The following MVB12B variants were observed in gnomAD, a reference collection of about 807,000 sequenced individuals.
MVB12B encodes the protein multivesicular body subunit 12B, also known as ESCRT-I complex subunit MVB12B.
A neutral mutation model predicts 41.6 loss-of-function variants in MVB12B; 16 were observed. That is an observed-to-expected ratio of 0.38 (90% CI 0.26 to 0.58). The LOEUF is 0.58. MVB12B is among the 20% of genes least tolerant of loss of function. MVB12B has a pLI of 0.62. For missense variants in MVB12B, 274 were observed against 380.2 expected (o/e 0.72, Z 2.32); for synonymous variants, 133 against 139.7 (o/e 0.95, Z 0.34).
chr9:126,327,328 G>A (rs1436144836), intron 1 of MVB12B: 1 of 985,208 alleles, frequency 1.0e-6, no homozygotes, highest in African/African-American at 1.7e-5. Context: ...CTCTGCCCGC[G>A]TGAGAGGGAG....
chr9:126,464,472 G>C (rs1833158960), intron 7 of MVB12B, among the ~76,000 whole-genome samples: 1 of 152,212 alleles, frequency 6.6e-6, no homozygotes, highest in African/African-American at 2.4e-5. Context: ...TGTGGCATTT[G>C]ACATGACCCT....
chr9:126,382,779 C>T (rs1430780986), intron 3 of MVB12B, among the ~76,000 whole-genome samples: 2 of 152,148 alleles, frequency 1.3e-5, no homozygotes, highest in African/African-American at 4.8e-5. Context: ...TAGCAGAGTC[C>T]CTGCATCCCT....
chr9:126,440,914 A>C (rs1403268464), intron 7 of MVB12B, among the ~76,000 whole-genome samples: 4 of 152,266 alleles, frequency 2.6e-5, no homozygotes, highest in African/African-American at 9.6e-5. Flanking sequence ...CTACAGTGTC[A>C]TCAGAGAGTA....
chr9:126,476,541 T>C (rs936569920), intron 7 of MVB12B, among the ~76,000 whole-genome samples: 1 of 152,170 alleles, frequency 6.6e-6, no homozygotes, highest in Non-Finnish European at 1.5e-5. Context: ...TATGCACTTA[T>C]AATGGAAATA....
chr9:126,453,994 C>T (rs973765680), intron 7 of MVB12B, among the ~76,000 whole-genome samples: 1 of 152,214 alleles, frequency 6.6e-6, no homozygotes, highest in Non-Finnish European at 1.5e-5. Context: ...AAGTGAGAAA[C>T]AGACGCGGTA....
chr9:126,466,744 A>G (rs1055239561), intron 7 of MVB12B, among the ~76,000 whole-genome samples: 2 of 152,192 alleles, frequency 1.3e-5, no homozygotes, highest in African/African-American at 4.8e-5. Context: ...GGTGTTTGTG[A>G]TCATTTCTAT....
At chr9:126,351,480 A>ACG (rs1235185149) in intron 2 of MVB12B, among the ~76,000 whole-genome samples, 70 of 84,080 alleles carry the variant, frequency 8.3e-4, no homozygotes, top group Middle Eastern at 0.016. Flanking sequence ...TCAGTCTTTC[A>ACG]CTCTTTTTTT....
intron 7 of MVB12B, among the ~76,000 whole-genome samples, chr9:126,455,026 A>G (rs1211970560): frequency 6.6e-6 from 1 of 152,124 alleles, no homozygotes; most frequent in Non-Finnish European, 1.5e-5. Context: ...AAGGATCTTG[A>G]ACCACGTCCT....
chr9:126,403,966 T>C lies in MVB12B; in HGVS notation c.662+8269T>C, dbSNP rs1831344212. On this transcript the variant is annotated intron_variant, in intron 6 of 9. Coordinates refer to ENST00000361171, the MANE Select transcript of MVB12B (RefSeq NM_033446.3). ...CCTTTAAATCTTTTTTTTTTTTTTT[T>C]TTTTTTTGAGACAGAGTCTCACTGT... Among the ~76,000 whole-genome samples, 5 of 147,824 alleles carry C rather than the reference T, an allele frequency of 3.4e-5. No individual in the cohort carries two copies. In the South Asian group the frequency reaches 1.1e-3, roughly 33 times the overall value.
intron 6 of MVB12B, among the ~76,000 whole-genome samples, chr9:126,412,657 G>A (rs1358443314): frequency 6.6e-6 from 1 of 152,134 alleles, no homozygotes; most frequent in Non-Finnish European, 1.5e-5. Flanking sequence ...GAAGAGCAGT[G>A]GGGAGAATCC....
intron 2 of MVB12B, among the ~76,000 whole-genome samples, chr9:126,364,413 C>G (rs1230456842): frequency 6.6e-6 from 1 of 152,144 alleles, no homozygotes. Context: ...AGCAAGAAGC[C>G]CAGAGCCAGG....
intron 9 of MVB12B, among the ~76,000 whole-genome samples, chr9:126,488,871 A>T (rs1314142636): frequency 6.6e-6 from 1 of 152,166 alleles, no homozygotes; most frequent in Non-Finnish European, 1.5e-5. Context: ...ATTCGGCTTC[A>T]GGGACGGTCA....
chr9:126,451,915 T>C (rs929670180), intron 7 of MVB12B, among the ~76,000 whole-genome samples: 1 of 152,188 alleles, frequency 6.6e-6, no homozygotes, highest in East Asian at 1.9e-4. Context: ...TGTGTAAATT[T>C]CATGCAGGTT....
At chr9:126,433,017 G>A (rs1471386107) in intron 7 of MVB12B, among the ~76,000 whole-genome samples, 1 of 152,130 alleles carries the variant, frequency 6.6e-6, no homozygotes, top group Non-Finnish European at 1.5e-5. Context: ...AAGGAAAAAA[G>A]GAATAGGGGG....
At chr9:126,496,003 G>A (rs1456000610) in intron 9 of MVB12B, among the ~76,000 whole-genome samples, 1 of 152,106 alleles carries the variant, frequency 6.6e-6, no homozygotes, top group East Asian at 1.9e-4. Context: ...GGGATGGGCT[G>A]TCACTCAGTC....
chr9:126,401,578 C>G (rs1305142388), intron 6 of MVB12B, among the ~76,000 whole-genome samples: 1 of 152,196 alleles, frequency 6.6e-6, no homozygotes, highest in Non-Finnish European at 1.5e-5. Context: ...TTGCTGACCT[C>G]AAAAATCGTT....
intron 1 of MVB12B, among the ~76,000 whole-genome samples, chr9:126,332,435 C>T (rs535900132): frequency 8.5e-5 from 13 of 152,280 alleles, no homozygotes; most frequent in African/African-American, 2.4e-4. Flanking sequence ...ACAAGCTCTC[C>T]GGGGCATTCT....
Position 126,392,584 on chromosome 9 carries a change from G to A in MVB12B, c.539+389G>A, listed in dbSNP as rs1011694037. 3.9e-5 allele frequency among the ~76,000 whole-genome samples: 6 copies of A among 152,252 alleles called. No homozygotes were observed. The East Asian group carries it at 7.7e-4, about 20-fold the overall frequency. On this transcript the variant is annotated intron_variant, in intron 5 of 9. Transcript: ENST00000361171. The surrounding 1 kb of genome is among the most constrained non-coding windows in gnomAD (Gnocchi z 4.8). ...TGTGGATATAAGTGAGGCAAAGGCC[G>A]TGCTGTCACAGAGCTGATGTTCTAA...
In MVB12B at chr9:126,444,716, A is replaced by AT. The variant is rs200454569; in HGVS notation, c.757+22776dup. On this transcript the variant is annotated intron_variant, in intron 7 of 9. Coordinates refer to ENST00000361171, the MANE Select transcript of MVB12B (RefSeq NM_033446.3). ...TTTTCTGGTATATTCTAGTACCTTC[A>AT]TTTTTTTTAACATTTAAATCTAAAG... Among the ~76,000 whole-genome samples, 635 of 151,734 alleles carry AT rather than the reference A, an allele frequency of 4.2e-3. 4 individuals are homozygous for AT. Among genetic ancestry groups the AT allele is most frequent in the African/African-American group, 0.014 (572 of 41,378 alleles).
Sources: gnomAD v4.1 joint callset for allele counts (sites outside exome capture counted in the v4.1 genomes callset) on GRCh38, gnomAD v4.1.1 for gene constraint, Gnocchi (gnomAD v3.1) non-coding constraint, MANE v1.5 for transcripts, NCBI Gene and HGNC (gene_info 2026-07-23, HGNC 2026-07-21) for gene names.